The following NRAP variants were observed in gnomAD, a reference collection of about 807,000 sequenced individuals.
NRAP encodes the protein nebulin related anchoring protein, also known as nebulin-related-anchoring protein.
A neutral mutation model predicts 225.9 loss-of-function variants in NRAP; 189 were observed. That is an observed-to-expected ratio of 0.84 (90% CI 0.74 to 0.94). NRAP has a LOEUF of 0.94. Among genes scored for constraint, NRAP ranks in the 40% least tolerant of loss-of-function variants. The pLI, the probability that NRAP is intolerant of heterozygous loss-of-function variation, is 0.00. For missense variants in NRAP, 2,176 were observed against 2,168.7 expected, an observed-to-expected ratio of 1.00 and a Z score of -0.07; for synonymous variants, 769 against 790.7, an observed-to-expected ratio of 0.97 and a Z score of 0.46.
chr10:113,605,022 A>G, intron 34 of NRAP, 102 bp from the exon 35 acceptor site: 1 of 1,308,372 alleles, frequency 7.6e-7, no homozygotes, highest in Non-Finnish European at 1.1e-6. Context: ...ATTATAAGAA[A>G]AACCACAGTG....
chr10:113,654,904 G>A (rs936186989), intron 4 of NRAP, among the ~76,000 whole-genome samples: 2 of 151,370 alleles, frequency 1.3e-5, no homozygotes, highest in East Asian at 3.8e-4. Context: ...TTCCAGGAAT[G>A]TAGGCTGCCA....
rs78027442 is a variant in NRAP, at chr10:113,647,541, C to T, written c.889-514G>A. On this transcript the variant is annotated intron_variant, in intron 9 of 41. Transcript: ENST00000359988. ...TCTCCCCCGGTGGTACTGTCTCCCC[C>T]GGTGGTACTGTCTCCCCCAGTGGTA... Among the ~76,000 whole-genome samples, 34 of 82,506 alleles carry T rather than the reference C, an allele frequency of 4.1e-4. No individual in the cohort carries two copies. The East Asian group carries it at 4.8e-3, about 12-fold the overall frequency. 54.1% of individuals were successfully genotyped at this position (82,506 alleles called of 152,430 possible). A position where few individuals can be genotyped will look rare whatever the true frequency, so the allele number is the denominator to read the frequency against.
intron 4 of NRAP, among the ~76,000 whole-genome samples, chr10:113,657,080 G>A (rs1286236957): frequency 1.3e-5 from 2 of 152,174 alleles, no homozygotes; most frequent in Admixed American, 6.5e-5. Context: ...ACAGGCTGGA[G>A]AGAGGCCAGC....
intron 41 of NRAP, 60 bp from the exon 42 acceptor site, chr10:113,589,139 C>G: frequency 7.1e-7 from 1 of 1,413,164 alleles, no homozygotes; most frequent in South Asian, 1.2e-5. Flanking sequence ...ACTCCCGGCC[C>G]CGGTTCCCAC....
intron 9 of NRAP, among the ~76,000 whole-genome samples, chr10:113,648,321 T>C (rs759928692): frequency 6.6e-6 from 1 of 152,104 alleles, no homozygotes; most frequent in African/African-American, 2.4e-5. Flanking sequence ...TCTGGCCAAA[T>C]ATAATAAGTA....
chr10:113,592,527 C>G (rs563376152), intron 38 of NRAP, among the ~76,000 whole-genome samples: 1 of 152,000 alleles, frequency 6.6e-6, no homozygotes, highest in South Asian at 2.1e-4. Flanking sequence ...GGCCCTGCTC[C>G]TGTGGGGCTT....
chr10:113,603,012 C>A (rs1846700680), intron 35 of NRAP, among the ~76,000 whole-genome samples: 1 of 152,196 alleles, frequency 6.6e-6, no homozygotes, highest in African/African-American at 2.4e-5. Context: ...AAACAATTAG[C>A]CTGCAAAAAT....
intron 6 of NRAP, 53 bp downstream of exon 6, chr10:113,652,882 A>G (rs1850066613): frequency 4.7e-6 from 6 of 1,267,210 alleles, no homozygotes; most frequent in Non-Finnish European, 5.8e-6. Context: ...ACGGGGGCTC[A>G]TTAATGACAA....
At chr10:113,631,836 A>C in intron 17 of NRAP, 21 bp downstream of exon 17, 1 of 1,460,878 alleles carries the variant, frequency 6.8e-7, no homozygotes, top group Non-Finnish European at 9.6e-7. Context: ...TGCATTCCTG[A>C]GTTAATGAGA....
Position 113,614,320 on chromosome 10 carries a change from G to C in NRAP, c.3187-24C>G, listed in dbSNP as rs766305636. ...TACTAAAGGGAAAGAGAGCGGGAGA[G>C]AGGAACAGCTCAGGGATAAGGGACA... On this transcript the variant is annotated intron_variant, in intron 28 of 41. Coordinates refer to ENST00000359988, the MANE Select transcript of NRAP (RefSeq NM_198060.4). 47 of 1,472,868 alleles carry C rather than the reference G, an allele frequency of 3.2e-5. 1 individual carries two copies. The Admixed American group carries it at 7.7e-4, about 24-fold the overall frequency. The allele number at this position is 1,472,868 out of a possible 1,614,324, so 91.2% of individuals were successfully genotyped here. A position where few individuals can be genotyped will look rare whatever the true frequency, so the allele number is the denominator to read the frequency against.
intron 23 of NRAP, 85 bp downstream of exon 23, chr10:113,623,444 G>A (rs1848110764): frequency 1.3e-6 from 1 of 788,748 alleles, no homozygotes; most frequent in Non-Finnish European, 2.1e-6. Context: ...GAGAGATTAA[G>A]AACCTGCCCA....
At chr10:113,623,723 T>G in intron 22 of NRAP, 87 bp from the exon 23 acceptor site, 1 of 856,922 alleles carries the variant, frequency 1.2e-6, no homozygotes, top group Non-Finnish European at 1.9e-6. Context: ...TAATGACGAT[T>G]CTAGGAAAGC....
intron 4 of NRAP, among the ~76,000 whole-genome samples, chr10:113,655,486 T>C (rs554701508): frequency 6.6e-6 from 1 of 151,600 alleles, no homozygotes; most frequent in South Asian, 2.1e-4. Context: ...GACAGAGTCT[T>C]GCTCTGTCAC....
intron 3 of NRAP, among the ~76,000 whole-genome samples, chr10:113,661,979 T>C (rs1850706091): frequency 6.6e-6 from 1 of 152,230 alleles, no homozygotes; most frequent in African/African-American, 2.4e-5. Flanking sequence ...ACCTAGTATA[T>C]GCAGAGCCTA....
intron 32 of NRAP, among the ~76,000 whole-genome samples, chr10:113,606,728 C>T (rs544878606): frequency 1.3e-5 from 2 of 152,260 alleles, no homozygotes; most frequent in African/African-American, 4.8e-5. Flanking sequence ...CAATGCTGCC[C>T]TGGATGGCCT....
intron 9 of NRAP, among the ~76,000 whole-genome samples, chr10:113,647,569 GCC>G (rs1849613216): frequency 2.1e-5 from 1 of 47,304 alleles, no homozygotes; most frequent in African/African-American, 4.7e-5. Flanking sequence ...CAGTGGTACT[GCC>G]TCCCCTGGTG....
chr10:113,593,404 G>A (rs952742414), intron 38 of NRAP, among the ~76,000 whole-genome samples: 2 of 152,184 alleles, frequency 1.3e-5, no homozygotes, highest in East Asian at 1.9e-4. Context: ...ACCACAAAGT[G>A]CTTGGGCCAA....
intron 14 of NRAP, among the ~76,000 whole-genome samples, chr10:113,637,887 A>G (rs1278317711): frequency 1.3e-5 from 2 of 150,730 alleles, no homozygotes; most frequent in African/African-American, 2.4e-5. Context: ...GCACCATTAC[A>G]CTCCAGCTTG....
intron 15 of NRAP, 132 bp downstream of exon 15, chr10:113,633,980 G>A: frequency 3.0e-6 from 2 of 675,636 alleles, no homozygotes; most frequent in South Asian, 3.6e-5. Flanking sequence ...AGAAGTGGGG[G>A]TCATTTTCTG....
Sources: allele counts gnomAD v4.1 joint callset (sites outside exome capture counted in the v4.1 genomes callset), GRCh38; gene constraint gnomAD v4.1.1; transcripts MANE v1.5; gene names NCBI Gene and HGNC (gene_info 2026-07-23, HGNC 2026-07-21).